The following NR3C2 variants were observed in gnomAD, a reference collection of about 807,000 sequenced individuals.
The protein encoded by NR3C2 is mineralocorticoid receptor.
Under a neutral mutation model 86.4 loss-of-function variants are expected in NR3C2, and 15 were observed. The ratio of observed to expected loss-of-function variants is 0.17; its 90% CI spans 0.12 to 0.27. The LOEUF (loss-of-function observed/expected upper bound fraction) is 0.27. Among genes scored for constraint, NR3C2 ranks in the 10% least tolerant of loss-of-function variants. NR3C2 has a pLI of 1.00. For synonymous variants in NR3C2, 458 were observed against 450.5 expected, an observed-to-expected ratio of 1.02 and a Z score of -0.21; for missense variants, 960 against 1,195.6, an observed-to-expected ratio of 0.80 and a Z score of 2.91.
rs72959772 is a variant in NR3C2 at position 148,095,840 on chromosome 4, A to G, written c.2800-14341T>C. Among the ~76,000 whole-genome samples, 379 of 152,264 alleles carry G rather than the reference A, an allele frequency of 2.5e-3. 1 individual carries two copies. The highest frequency in any genetic ancestry group is 8.9e-3 in the African/African-American group (369 of 41,546). On this transcript the variant is annotated intron_variant, in intron 8 of 8. Coordinates refer to ENST00000358102, the MANE Select transcript of NR3C2 (RefSeq NM_000901.5). The stretch of plus-strand genomic sequence containing the variant: ...TAGGTGCTACAGTGTCTCATGAGAA[A>G]TCAAGGTCATTTCTGAAAACTCATC...
At chr4:148,144,838 A>G (rs566930500) in intron 6 of NR3C2, among the ~76,000 whole-genome samples, 2 of 152,252 alleles carry the variant, frequency 1.3e-5, no homozygotes, top group African/African-American at 4.8e-5. Flanking sequence ...ACTATTTTCT[A>G]CTTATGACGT....
At chr4:148,260,243 T>C in intron 2 of NR3C2, 126 bp from the exon 3 acceptor site, 2 of 1,192,940 alleles carry the variant, frequency 1.7e-6, no homozygotes, top group Non-Finnish European at 2.4e-6. Context: ...AATGACCACA[T>C]ACTATGTGAC....
intron 8 of NR3C2, among the ~76,000 whole-genome samples, chr4:148,085,470 A>G (rs1236861932): frequency 6.6e-6 from 1 of 152,264 alleles, no homozygotes; most frequent in African/African-American, 2.4e-5. Flanking sequence ...ATGTACCAGA[A>G]TCTGTGGGAC....
intron 1 of NR3C2, among the ~76,000 whole-genome samples, chr4:148,439,499 C>T (rs1198735910): frequency 6.6e-6 from 1 of 152,156 alleles, no homozygotes; most frequent in Non-Finnish European, 1.5e-5. Flanking sequence ...CTGGCACACT[C>T]TGCGTCACTC....
At chr4:148,282,590 CAA>C (rs1741303757) in intron 2 of NR3C2, among the ~76,000 whole-genome samples, 1 of 152,176 alleles carries the variant, frequency 6.6e-6, no homozygotes, top group East Asian at 1.9e-4. Context: ...AGGATAGTGA[CAA>C]AGTCTCCAAC....
intron 3 of NR3C2, among the ~76,000 whole-genome samples, chr4:148,225,231 T>C (rs1738082453): frequency 1.3e-5 from 2 of 152,178 alleles, no homozygotes; most frequent in Non-Finnish European, 2.9e-5. Flanking sequence ...CAAATCTGTA[T>C]GGTTCTGGCT....
intron 3 of NR3C2, among the ~76,000 whole-genome samples, chr4:148,246,799 C>T (rs961241318): frequency 3.9e-5 from 6 of 152,166 alleles, no homozygotes. Context: ...GTGATCCGCC[C>T]CGCCTTGGCC....
chr4:148,154,463 C>T, intron 5 of NR3C2, 88 bp downstream of exon 5: 1 of 1,208,464 alleles, frequency 8.3e-7, no homozygotes, highest in Non-Finnish European at 1.2e-6. Context: ...AGAACGCAAA[C>T]TCCTCCTGCA....
intron 2 of NR3C2, among the ~76,000 whole-genome samples, chr4:148,379,330 G>C (rs1746841736): frequency 6.6e-6 from 1 of 151,988 alleles, no homozygotes; most frequent in African/African-American, 2.4e-5. Flanking sequence ...CATATAGCTA[G>C]CTGCTCCCCT....
intron 8 of NR3C2, among the ~76,000 whole-genome samples, chr4:148,094,535 G>A (rs1731193349): frequency 6.6e-6 from 1 of 152,106 alleles, no homozygotes; most frequent in Non-Finnish European, 1.5e-5. Flanking sequence ...CCAACATGGT[G>A]AAACCCAGTC....
At chr4:148,355,259 C>G (rs993578490) in intron 2 of NR3C2, among the ~76,000 whole-genome samples, 1 of 152,038 alleles carries the variant, frequency 6.6e-6, no homozygotes, top group East Asian at 1.9e-4. Context: ...AGATTAGAGG[C>G]CCCAAGGAAA....
chr4:148,257,921 G>A (rs543607199), intron 3 of NR3C2, among the ~76,000 whole-genome samples: 9 of 152,228 alleles, frequency 5.9e-5, no homozygotes, highest in East Asian at 1.9e-4. Flanking sequence ...TCCATGGATC[G>A]ATCAGCTTTC....
intron 8 of NR3C2, among the ~76,000 whole-genome samples, chr4:148,085,037 T>C (rs1309638244): frequency 2.6e-5 from 4 of 151,670 alleles, no homozygotes; most frequent in Non-Finnish European, 5.9e-5. Flanking sequence ...AGACTTAGAC[T>C]CCCACACAAT....
At chr4:148,438,839 A>T (rs951165676) in intron 1 of NR3C2, among the ~76,000 whole-genome samples, 3 of 152,226 alleles carry the variant, frequency 2.0e-5, no homozygotes, top group African/African-American at 7.2e-5. Flanking sequence ...AAAGGGCAGA[A>T]ATGATCAATT....
chr4:148,252,827 T>C (rs1368687212), intron 3 of NR3C2, among the ~76,000 whole-genome samples: 1 of 152,178 alleles, frequency 6.6e-6, no homozygotes, highest in African/African-American at 2.4e-5. Flanking sequence ...TTTTTTTTGT[T>C]TCACTTAAAT....
rs566965086 is a variant in NR3C2 at position 148,173,970 on chromosome 4, G to A, written c.2015-19069C>T. Reference sequence around the variant, plus strand: ...AACCTTTCAAGGGGTGAGGAAGAAGGCAAAGACAAAAATGGGTGTGTGTGT... The same window carrying A: ...AACCTTTCAAGGGGTGAGGAAGAAGACAAAGACAAAAATGGGTGTGTGTGT... On this transcript the variant is annotated intron_variant, in intron 4 of 8. Transcript: ENST00000358102. Among the ~76,000 whole-genome samples the A allele has an allele frequency of 3.9e-5, 6 of 152,256 alleles. No individual in the cohort carries two copies. The South Asian group carries it at 1.2e-3, about 32-fold the overall frequency.
At chr4:148,343,789 A>G (rs1744864094) in intron 2 of NR3C2, among the ~76,000 whole-genome samples, 1 of 152,132 alleles carries the variant, frequency 6.6e-6, no homozygotes, top group African/African-American at 2.4e-5. Context: ...AAAATTGCAA[A>G]GGAGAAAGAA....
At chr4:148,438,722 T>G (rs72645695) in intron 1 of NR3C2, among the ~76,000 whole-genome samples, 3 of 152,226 alleles carry the variant, frequency 2.0e-5, no homozygotes, top group African/African-American at 7.2e-5. Flanking sequence ...TAAATAAATT[T>G]GCATTAGATA....
chr4:148,165,438 C>T (rs965789515), intron 4 of NR3C2, among the ~76,000 whole-genome samples: 19 of 152,044 alleles, frequency 1.2e-4, no homozygotes, highest in African/African-American at 4.6e-4. Context: ...TTTATCTCCA[C>T]TATTAATTTT....
Sources: gnomAD v4.1 joint callset for allele counts (sites outside exome capture counted in the v4.1 genomes callset) on GRCh38, gnomAD v4.1.1 for gene constraint, MANE v1.5 for transcripts, NCBI Gene and HGNC (gene_info 2026-07-23, HGNC 2026-07-21) for gene names.